The following PRKCB variants were observed in gnomAD, a reference collection of about 807,000 sequenced individuals.
The protein encoded by PRKCB is protein kinase C beta type.
A neutral mutation model predicts 81.5 loss-of-function variants in PRKCB; 13 were observed. The observed-to-expected ratio is 0.16, with a 90% confidence interval of 0.10 to 0.25. The LOEUF is 0.25. Ranked by LOEUF, PRKCB falls within the 10% of genes least tolerant of loss-of-function variation. The probability of loss-of-function intolerance (pLI) is 1.00; values close to 1 mark genes in which losing one functional copy is unlikely to be tolerated. For missense variants in PRKCB, 509 were observed against 875.7 expected, an observed-to-expected ratio of 0.58 and a Z score of 5.29; for synonymous variants, 335 against 321.4, an observed-to-expected ratio of 1.04 and a Z score of -0.45.
intron 5 of PRKCB, among the ~76,000 whole-genome samples, chr16:24,069,768 C>T (rs1407488740): frequency 6.6e-6 from 1 of 152,124 alleles, no homozygotes; most frequent in Non-Finnish European, 1.5e-5. Flanking sequence ...CAAAACAGTG[C>T]CTGGCATATA....
At chr16:24,201,601 T>TGATTGACCG in intron 16 of PRKCB, among the ~76,000 whole-genome samples, 1 of 152,318 alleles carries the variant, frequency 6.6e-6, no homozygotes, top group Non-Finnish European at 1.5e-5. Flanking sequence ...TGGAATGTGC[T>TGATTGACCG]GATTGACCGG....
At chr16:24,020,980 CTT>C (rs1170224981) in intron 3 of PRKCB, among the ~76,000 whole-genome samples, 7 of 90,422 alleles carry the variant, frequency 7.7e-5, no homozygotes, top group Non-Finnish European at 1.1e-4. Flanking sequence ...TTTTCTTTTT[CTT>C]TCTTTCTTTC....
At chr16:24,157,684 C>T (rs1234090113) in intron 10 of PRKCB, among the ~76,000 whole-genome samples, 1 of 145,970 alleles carries the variant, frequency 6.9e-6, no homozygotes, top group Non-Finnish European at 1.5e-5. Flanking sequence ...GTAATTGAAT[C>T]GTGGGGGCAG....
chr16:23,921,101 T>A (rs1963818459), intron 2 of PRKCB, among the ~76,000 whole-genome samples: 1 of 152,200 alleles, frequency 6.6e-6, no homozygotes. Flanking sequence ...ACCACCCCCA[T>A]GATTCAGTTA....
At chr16:23,952,091 G>A (rs1352434332) in intron 2 of PRKCB, among the ~76,000 whole-genome samples, 2 of 152,092 alleles carry the variant, frequency 1.3e-5, no homozygotes, top group African/African-American at 4.8e-5. Context: ...GTGTGTAAAC[G>A]TGGTATAAAA....
At chr16:24,101,560 A>G (rs764131786) in intron 7 of PRKCB, among the ~76,000 whole-genome samples, 4 of 152,242 alleles carry the variant, frequency 2.6e-5, no homozygotes, top group Non-Finnish European at 5.9e-5. Context: ...AGAAACAAAT[A>G]CAAATAAAAA....
In PRKCB at chr16:24,169,833, G is replaced by A. The variant is rs183855997; in HGVS notation, c.1240-2437G>A. Among the ~76,000 whole-genome samples the A allele has an allele frequency of 7.6e-4, 116 of 152,174 alleles. 1 individual carries two copies. The Middle Eastern group carries it at 0.02, about 27-fold the overall frequency. Reference sequence around the variant, plus strand: ...ACTCTGTTGCCCAGGCTGGAGTGCAGTGGTGTGATCTTGGCTCACTGCAAC... The same window carrying A: ...ACTCTGTTGCCCAGGCTGGAGTGCAATGGTGTGATCTTGGCTCACTGCAAC... On this transcript the variant is annotated intron_variant, in intron 10 of 16. Coordinates refer to ENST00000643927, the MANE Select transcript of PRKCB (RefSeq NM_002738.7).
chr16:24,154,687 A>T lies in PRKCB; in HGVS notation c.1069A>T (p.Met357Leu), dbSNP rs1306990794. The change falls in exon 10 of 17, where the codon ATG becomes TTG. Residue 357 changes from methionine to leucine, a missense_variant. By Grantham distance (15) the Met-to-Leu change is conservative (BLOSUM62 2). This residue lies in a region of PRKCB where 80 missense variants were observed against 89.4 expected (regional missense o/e 0.90). Transcript: ENST00000643927. ...ACATGCTTGCTCTCTTTCCCAGGTCATGCTTTCAGAACGAAAAGGCACAGA... is the reference window on the plus strand; with the variant it reads ...ACATGCTTGCTCTCTTTCCCAGGTCTTGCTTTCAGAACGAAAAGGCACAGA... Reference protein sequence around the residue: ...VLGKGSFGKVMLSERKGTDEL... With the variant: ...VLGKGSFGKVLLSERKGTDEL... The T allele has an allele frequency of 1.2e-6, 2 of 1,614,136 alleles. No homozygotes were observed. Among genetic ancestry groups the T allele is most frequent in the Non-Finnish European group, 1.7e-6 (2 of 1,179,972 alleles).
At chr16:24,068,401 C>G (rs1019948390) in intron 5 of PRKCB, among the ~76,000 whole-genome samples, 1 of 151,738 alleles carries the variant, frequency 6.6e-6, no homozygotes, top group Admixed American at 6.6e-5. Context: ...GGTGGCCTCC[C>G]TCCTTCTTAG....
At chr16:23,948,527 C>T (rs1412612094) in intron 2 of PRKCB, among the ~76,000 whole-genome samples, 2 of 152,066 alleles carry the variant, frequency 1.3e-5, no homozygotes, top group Non-Finnish European at 2.9e-5. Context: ...CCGCAGCCTC[C>T]CAGGTAGCTG....
intron 13 of PRKCB, among the ~76,000 whole-genome samples, chr16:24,183,341 G>A (rs1222127217): frequency 6.6e-6 from 1 of 151,746 alleles, no homozygotes. Flanking sequence ...ATTTTTTTAT[G>A]GTAAAAACAC....
intron 8 of PRKCB, among the ~76,000 whole-genome samples, chr16:24,122,723 G>C (rs922200222): frequency 2.8e-5 from 4 of 144,058 alleles, no homozygotes; most frequent in African/African-American, 5.0e-5. Context: ...GCATCAAAAA[G>C]TGTTGGAATT....
intron 10 of PRKCB, among the ~76,000 whole-genome samples, chr16:24,169,562 A>G (rs1237130318): frequency 6.6e-6 from 1 of 151,928 alleles, no homozygotes; most frequent in Admixed American, 6.6e-5. Context: ...CCGCCTGGTA[A>G]GCTCTCACTC....
At chr16:23,849,295 T>C (rs1010110969) in intron 2 of PRKCB, among the ~76,000 whole-genome samples, 1 of 152,232 alleles carries the variant, frequency 6.6e-6, no homozygotes, top group Admixed American at 6.5e-5. Flanking sequence ...ATATCCCTTT[T>C]CGGTTGAAGA....
At position 24,038,557 on chromosome 16, in the gene PRKCB, A is replaced by T. The variant is rs563814416; in HGVS notation, c.529+3010A>T. On this transcript the variant is annotated intron_variant, in intron 5 of 16. Transcript: ENST00000643927. ...CCTGGGCCTCTGGCCCCATGTCACAATGCCCTGCAATTGCCCATACACCAT... is the reference window on the plus strand; with the variant it reads ...CCTGGGCCTCTGGCCCCATGTCACATTGCCCTGCAATTGCCCATACACCAT... 2.0e-5 allele frequency among the ~76,000 whole-genome samples: 3 copies of T among 152,366 alleles called. No individual in the cohort carries two copies. In the East Asian group the frequency reaches 5.8e-4, roughly 29 times the overall value.
chr16:24,173,170 G>A (rs1487229087), intron 11 of PRKCB, among the ~76,000 whole-genome samples: 1 of 152,158 alleles, frequency 6.6e-6, no homozygotes, highest in East Asian at 1.9e-4. Context: ...TGTGGTTCCT[G>A]TGATGGGGAG....
At chr16:24,060,740 C>G (rs1596532318) in intron 5 of PRKCB, among the ~76,000 whole-genome samples, 1 of 152,194 alleles carries the variant, frequency 6.6e-6, no homozygotes, top group East Asian at 1.9e-4. Context: ...CAGTAGGGAA[C>G]AAGTCTAAGG....
chr16:23,965,277 G>T (rs1964472781), intron 2 of PRKCB, among the ~76,000 whole-genome samples: 1 of 152,204 alleles, frequency 6.6e-6, no homozygotes, highest in Non-Finnish European at 1.5e-5. Flanking sequence ...AACTCACTTA[G>T]GATAGTGGCC....
chr16:23,918,401 A>C (rs532382419), intron 2 of PRKCB, among the ~76,000 whole-genome samples: 1 of 150,706 alleles, frequency 6.6e-6, no homozygotes, highest in African/African-American at 2.4e-5. Flanking sequence ...TATTATTATT[A>C]TTTTTTTTTT....
Sources: gnomAD v4.1 joint callset for allele counts (sites outside exome capture counted in the v4.1 genomes callset) on GRCh38, gnomAD v4.1.1 for gene constraint, gnomAD v4.1.1 regional missense constraint, MANE v1.5 for transcripts, NCBI Gene and HGNC (gene_info 2026-07-23, HGNC 2026-07-21) for gene names.